C12orf56: variants seen among roughly 807,000 people sequenced by gnomAD.
The protein encoded by C12orf56 is uncharacterized protein C12orf56.
Under a neutral mutation model 69.9 loss-of-function variants are expected in C12orf56, and 71 were observed. The observed-to-expected ratio is 1.02, with a 90% CI of 0.84 to 1.24. The LOEUF (loss-of-function observed/expected upper bound fraction) is 1.24, where lower values mean the gene tolerates loss of function less well. C12orf56 is among the 50% of genes most tolerant of loss of function. C12orf56 has a pLI of 0.00. For missense variants in C12orf56, 732 were observed against 738.5 expected (o/e 0.99, Z 0.10); for synonymous variants, 276 against 274.1 (o/e 1.01, Z -0.07).
intron 1 of C12orf56, among the ~76,000 whole-genome samples, chr12:64,369,541 A>T (rs1440345448): frequency 6.6e-6 from 1 of 152,156 alleles, no homozygotes; most frequent in African/African-American, 2.4e-5. Flanking sequence ...TCTTCTATCT[A>T]ATTCAAAGAC....
At chr12:64,378,978 G>A (rs1052023435) in intron 1 of C12orf56, among the ~76,000 whole-genome samples, 1 of 151,604 alleles carries the variant, frequency 6.6e-6, no homozygotes, top group Non-Finnish European at 1.5e-5. Context: ...TTGAACCCAG[G>A]AGGCAGAGGT....
chr12:64,269,474 C>A (rs944459245), intron 12 of C12orf56, among the ~76,000 whole-genome samples: 1 of 152,200 alleles, frequency 6.6e-6, no homozygotes, highest in African/African-American at 2.4e-5. Context: ...GTGAAACAAA[C>A]AAAACCCCTG....
chr12:64,280,819 T>A (rs2038112643), intron 8 of C12orf56, among the ~76,000 whole-genome samples: 2 of 152,186 alleles, frequency 1.3e-5, no homozygotes. Flanking sequence ...GATGAGACTA[T>A]GGCCTGGCCA....
chr12:64,387,845 A>AT (rs2135992872), intron 1 of C12orf56, among the ~76,000 whole-genome samples: 1 of 152,268 alleles, frequency 6.6e-6, no homozygotes, highest in Admixed American at 6.5e-5. Context: ...AAAACAAGAG[A>AT]TATATAACAC....
intron 11 of C12orf56, among the ~76,000 whole-genome samples, chr12:64,272,217 A>C (rs2037998790): frequency 6.6e-6 from 1 of 152,108 alleles, no homozygotes; most frequent in Non-Finnish European, 1.5e-5. Context: ...TAAAATAAAT[A>C]AATGCGGCCA....
chr12:64,329,078 A>T (rs1262495260), intron 3 of C12orf56, among the ~76,000 whole-genome samples: 1 of 151,830 alleles, frequency 6.6e-6, no homozygotes, highest in Non-Finnish European at 1.5e-5. Context: ...AAAAAAAAAG[A>T]AACTCCTTTT....
chr12:64,371,269 T>C (rs756696026), intron 1 of C12orf56, among the ~76,000 whole-genome samples: 18 of 151,008 alleles, frequency 1.2e-4, no homozygotes, highest in Non-Finnish European at 2.2e-4. Context: ...TAGCCGGGAG[T>C]GGTGGCACAC....
intron 6 of C12orf56, among the ~76,000 whole-genome samples, chr12:64,298,784 C>A (rs1224119798): frequency 2.6e-5 from 4 of 152,102 alleles, no homozygotes; most frequent in African/African-American, 4.8e-5. Flanking sequence ...GTTACTGTAG[C>A]CTTGTAGTAT....
In C12orf56 at chr12:64,303,727, T is replaced by C. The variant is rs756043070; in HGVS notation, c.1021A>G (p.Lys341Glu). The C allele has an allele frequency of 1.3e-6, 2 of 1,585,158 alleles. No homozygotes were observed. Among genetic ancestry groups the C allele is most frequent in the Admixed American group, 1.8e-5 (1 of 55,464 alleles). Residue 341 changes from lysine (K) to glutamate (E), a missense_variant, in exon 6 of 13, where the codon AAA becomes GAA. Transcript: ENST00000543942. ...AGTATCCTCCTCAAAGAATTGTCTT[T>C]AAGAAAAAGTTCAGATTTAAGTTGA... ...FSQLKSELFL[K>E]DNSLRRILSL... is the part of the protein sequence containing the mutation.
intron 11 of C12orf56, among the ~76,000 whole-genome samples, chr12:64,271,454 G>A (rs1448089796): frequency 6.6e-6 from 1 of 152,162 alleles, no homozygotes; most frequent in Non-Finnish European, 1.5e-5. Context: ...AGTGCAAGTA[G>A]TTACTCTTCT....
intron 2 of C12orf56, among the ~76,000 whole-genome samples, chr12:64,337,273 A>G (rs1592465560): frequency 6.6e-6 from 1 of 152,210 alleles, no homozygotes; most frequent in East Asian, 1.9e-4. Flanking sequence ...ACCAACTGGG[A>G]GTACTACAAT....
In C12orf56 at chr12:64,382,870, CAAAAA is replaced by C. The variant is rs57099747; in HGVS notation, c.252+7439_252+7443del. ...TGGGTGACAGAGTGAGACTCCGTTT[CAAAAA>C]AAAAAAAAAAAATTATAACTGAAAG... On this transcript the variant is annotated intron_variant, in intron 1 of 12. Coordinates refer to ENST00000543942, the MANE Select transcript of C12orf56 (RefSeq NM_001170633.2). Among the ~76,000 whole-genome samples the C allele has an allele frequency of 6.8e-5, 9 of 132,160 alleles. No homozygotes were observed. The East Asian group carries it at 1.5e-3, about 23-fold the overall frequency. The allele number at this position is 132,160 out of a possible 152,430, so 86.7% of individuals were successfully genotyped here. A position where few individuals can be genotyped will look rare whatever the true frequency, so the allele number is the denominator to read the frequency against.
intron 8 of C12orf56, among the ~76,000 whole-genome samples, chr12:64,281,711 T>G (rs1041996809): frequency 1.3e-5 from 2 of 152,326 alleles, no homozygotes; most frequent in South Asian, 4.1e-4. Flanking sequence ...CAGACTCTAC[T>G]ATAGCAATGT....
intron 1 of C12orf56, among the ~76,000 whole-genome samples, chr12:64,380,123 A>C (rs1019487819): frequency 1.1e-4 from 10 of 92,548 alleles, no homozygotes; most frequent in African/African-American, 2.5e-4. Flanking sequence ...AAAAAAAAAA[A>C]AAAAAAAAAA....
chr12:64,340,681 C>T lies in C12orf56; in HGVS notation c.416-9649G>A, dbSNP rs111417614. On this transcript the variant is annotated intron_variant, in intron 2 of 12. Transcript: ENST00000543942. ...TTCTTAGTACAAGTGTATACATGCA[C>T]AAACATGTTTTTAACGAAAGAAGGA... is the stretch of plus-strand genomic sequence containing the variant. Among the ~76,000 whole-genome samples the T allele has an allele frequency of 3.1e-3, 469 of 152,256 alleles. 4 individuals are homozygous for T. Among genetic ancestry groups the T allele is most frequent in the African/African-American group, 0.011 (443 of 41,554 alleles).
intron 6 of C12orf56, among the ~76,000 whole-genome samples, chr12:64,287,206 T>G (rs539485943): frequency 9.8e-4 from 134 of 136,304 alleles, no homozygotes; most frequent in Non-Finnish European, 1.6e-3. Flanking sequence ...ATTGCGCCAC[T>G]GCACTCCAGA....
At chr12:64,333,551 G>A (rs2038957995) in intron 2 of C12orf56, among the ~76,000 whole-genome samples, 1 of 151,842 alleles carries the variant, frequency 6.6e-6, no homozygotes, top group Non-Finnish European at 1.5e-5. Flanking sequence ...GCCCAGGCTG[G>A]AGTGCAGTGG....
intron 2 of C12orf56, among the ~76,000 whole-genome samples, chr12:64,335,712 C>G (rs1384536820): frequency 6.6e-6 from 1 of 152,130 alleles, no homozygotes; most frequent in African/African-American, 2.4e-5. Context: ...ATCTTTTCCT[C>G]TATATATTCA....
chr12:64,365,926 T>TTATGTATAGTGTATATATTATAC (rs1565776806), intron 1 of C12orf56, among the ~76,000 whole-genome samples: 5 of 129,686 alleles, frequency 3.9e-5, no homozygotes, highest in South Asian at 2.2e-4. Flanking sequence ...ATATATTATA[T>TTATGTATAGTGTATATATTATAC]ATTATGTATA....
Sources: gnomAD v4.1 joint callset for allele counts (sites outside exome capture counted in the v4.1 genomes callset) on GRCh38, gnomAD v4.1.1 for gene constraint, MANE v1.5 for transcripts, NCBI Gene and HGNC (gene_info 2026-07-23, HGNC 2026-07-21) for gene names.